Variants in RSU1 observed in about 807,000 individuals in gnomAD.
The protein encoded by RSU1 is rsu-1.
A neutral mutation model predicts 31.1 loss-of-function variants in RSU1; 26 were observed. The ratio of observed to expected loss-of-function variants is 0.84; its 90% CI spans 0.61 to 1.16. The LOEUF (loss-of-function observed/expected upper bound fraction) is 1.16. Ranked by LOEUF, RSU1 falls within the 50% of genes most tolerant of loss-of-function variation. RSU1 has a pLI of 0.00. For missense variants in RSU1, 320 were observed against 339.1 expected (o/e 0.94, Z 0.44); for synonymous variants, 164 against 136.3 (o/e 1.20, Z -1.41).
At chr10:16,786,157 G>A (rs1045925105) in intron 2 of RSU1, among the ~76,000 whole-genome samples, 1 of 152,198 alleles carries the variant, frequency 6.6e-6, no homozygotes, top group African/African-American at 2.4e-5. Flanking sequence ...ACGCAAGGCA[G>A]CCGAACCCAT....
At chr10:16,805,663 T>A (rs1838251682) in intron 2 of RSU1, among the ~76,000 whole-genome samples, 1 of 109,732 alleles carries the variant, frequency 9.1e-6, no homozygotes. Context: ...CGAGACTCCG[T>A]CTCAAAAAAA....
intron 8 of RSU1, among the ~76,000 whole-genome samples, chr10:16,655,035 G>A (rs1834752823): frequency 7.1e-6 from 1 of 140,382 alleles, no homozygotes; most frequent in South Asian, 2.3e-4. Flanking sequence ...GGAGTGCTGG[G>A]CAACAAAGAC....
At chr10:16,598,518 C>T (rs979792067) in intron 8 of RSU1, among the ~76,000 whole-genome samples, 4 of 152,222 alleles carry the variant, frequency 2.6e-5, no homozygotes, top group Non-Finnish European at 4.4e-5. Flanking sequence ...CACACCACTG[C>T]ATTCCAGCCT....
chr10:16,688,880 T>C (rs1304932137), intron 8 of RSU1, among the ~76,000 whole-genome samples: 2 of 151,864 alleles, frequency 1.3e-5, no homozygotes, highest in African/African-American at 4.8e-5. Context: ...TTGTGGTGTG[T>C]GCCTGTAGTC....
intron 8 of RSU1, among the ~76,000 whole-genome samples, chr10:16,642,858 T>G (rs1834469939): frequency 6.6e-6 from 1 of 152,188 alleles, no homozygotes; most frequent in Non-Finnish European, 1.5e-5. Flanking sequence ...CCAGGTTTAT[T>G]GAAGTATAAT....
In RSU1 at chr10:16,621,468, T is replaced by C. The variant is rs1041445189; in HGVS notation, c.732-27972A>G. On this transcript the variant is annotated intron_variant, in intron 8 of 8. Coordinates refer to ENST00000345264, the MANE Select transcript of RSU1 (RefSeq NM_012425.4). ...AGGTGTTGTATGAGAAGATTCTATG[T>C]GTACACTGATGCAAGTTGTCAATTT... is the stretch of plus-strand genomic sequence containing the variant. Among the ~76,000 whole-genome samples the C allele has an allele frequency of 4.6e-5, 7 of 152,200 alleles. No homozygotes were observed. The South Asian group carries it at 6.2e-4, about 13-fold the overall frequency.
chr10:16,808,496 A>C (rs1363886572), intron 2 of RSU1, among the ~76,000 whole-genome samples: 2 of 151,148 alleles, frequency 1.3e-5, no homozygotes, highest in East Asian at 2.0e-4. Context: ...AAAAAAAAAA[A>C]AAAAAAAAAA....
chr10:16,594,234 A>G (rs1261461943), intron 8 of RSU1, among the ~76,000 whole-genome samples: 1 of 152,188 alleles, frequency 6.6e-6, no homozygotes, highest in Non-Finnish European at 1.5e-5. Flanking sequence ...TGGGTGTCTC[A>G]GGTCCTCTGC....
chr10:16,755,139 TGA>T (rs944710250), intron 4 of RSU1, 150 bp from the exon 5 acceptor site: 146 of 466,132 alleles, frequency 3.1e-4, no homozygotes, highest in African/African-American at 2.9e-3. Flanking sequence ...TTTATTTTTT[TGA>T]GACAGGGTCT....
At chr10:16,728,269 A>C (rs1836436840) in intron 7 of RSU1, among the ~76,000 whole-genome samples, 1 of 152,222 alleles carries the variant, frequency 6.6e-6, no homozygotes, top group South Asian at 2.1e-4. Context: ...TCATATTTCA[A>C]AATAGTTTGG....
At chr10:16,713,460 G>A (rs973655960) in intron 7 of RSU1, among the ~76,000 whole-genome samples, 2 of 152,022 alleles carry the variant, frequency 1.3e-5, no homozygotes, top group African/African-American at 4.8e-5. Context: ...AAATTACTCT[G>A]CCTGATCTAG....
chr10:16,679,080 T>C (rs985481310), intron 8 of RSU1, among the ~76,000 whole-genome samples: 1 of 152,208 alleles, frequency 6.6e-6, no homozygotes, highest in African/African-American at 2.4e-5. Flanking sequence ...TAATCTAAGC[T>C]GAGTATTAGA....
chr10:16,619,376 T>C (rs1279537277), intron 8 of RSU1, among the ~76,000 whole-genome samples: 1 of 152,212 alleles, frequency 6.6e-6, no homozygotes, highest in African/African-American at 2.4e-5. Flanking sequence ...CTACCATCAA[T>C]GTCCCCTCTG....
intron 7 of RSU1, chr10:16,727,188 T>G (rs1254658970): frequency 2.2e-6 from 1 of 456,098 alleles, no homozygotes. Flanking sequence ...GACTTCAGAG[T>G]GGACTCACCT....
intron 8 of RSU1, among the ~76,000 whole-genome samples, chr10:16,664,840 A>T (rs1834958560): frequency 1.3e-5 from 2 of 152,244 alleles, no homozygotes; most frequent in South Asian, 4.1e-4. Context: ...ATAAAACTCT[A>T]GCCTATGCTT....
intron 8 of RSU1, among the ~76,000 whole-genome samples, chr10:16,632,731 G>A (rs1834275288): frequency 1.3e-5 from 2 of 152,206 alleles, no homozygotes; most frequent in South Asian, 4.1e-4. Flanking sequence ...TTGAGCTCAG[G>A]GGTTTGAGAC....
At chr10:16,682,382 C>G (rs1248137057) in intron 8 of RSU1, among the ~76,000 whole-genome samples, 1 of 152,134 alleles carries the variant, frequency 6.6e-6, no homozygotes, top group South Asian at 2.1e-4. Context: ...TGGGAGTGTC[C>G]TGATATCCCG....
At chr10:16,775,482 T>G (rs1422659071) in intron 3 of RSU1, among the ~76,000 whole-genome samples, 1 of 151,982 alleles carries the variant, frequency 6.6e-6, no homozygotes, top group Non-Finnish European at 1.5e-5. Flanking sequence ...CTAGAACAGG[T>G]ACATTTTGGT....
chr10:16,772,105 ACT>A (rs1420788594), intron 3 of RSU1, among the ~76,000 whole-genome samples: 1 of 152,226 alleles, frequency 6.6e-6, no homozygotes, highest in Admixed American at 6.5e-5. Context: ...CCCTGGCTTA[ACT>A]CACCGCAAAA....
Sources: gnomAD v4.1 joint callset for allele counts (sites outside exome capture counted in the v4.1 genomes callset) on GRCh38, gnomAD v4.1.1 for gene constraint, MANE v1.5 for transcripts, NCBI Gene and HGNC (gene_info 2026-07-23, HGNC 2026-07-21) for gene names.